PPID: variants seen among roughly 807,000 people sequenced by gnomAD.
The protein encoded by PPID is peptidyl-prolyl cis-trans isomerase D.
Under a neutral mutation model 48.1 loss-of-function variants are expected in PPID, and 47 were observed. The observed-to-expected ratio is 0.98, with a 90% CI of 0.77 to 1.25. The LOEUF (loss-of-function observed/expected upper bound fraction) is 1.25. Ranked by LOEUF, PPID falls within the 50% of genes most tolerant of loss-of-function variation. PPID has a pLI of 0.00. For synonymous variants in PPID, 163 were observed against 148.8 expected, an observed-to-expected ratio of 1.10 and a Z score of -0.69; for missense variants, 429 against 443.5, an observed-to-expected ratio of 0.97 and a Z score of 0.29.
rs535893504 is a variant in PPID, at chr4:158,709,632, G to C, written c.*104C>G. On this transcript the variant is annotated 3_prime_UTR_variant, in exon 10 of 10. Coordinates refer to ENST00000307720, the MANE Select transcript of PPID (RefSeq NM_005038.3). ...AAACTGTAAACAGTAAGGAACTAAG[G>C]TGTCAAAAGAAACACATTAGGGATC... 1.3e-6 allele frequency: 1 copy of C among 775,162 alleles called. No homozygotes were observed. Among genetic ancestry groups the C allele is most frequent in the East Asian group, 2.7e-5 (1 of 37,638 alleles). The allele number at this position is 775,162 out of a possible 1,614,324, so 48.0% of individuals were successfully genotyped here. A position where few individuals can be genotyped will look rare whatever the true frequency, so the allele number is the denominator to read the frequency against.
intron 3 of PPID, 62 bp from the exon 4 acceptor site, chr4:158,717,262 T>C (rs1774888411): frequency 3.5e-6 from 5 of 1,441,938 alleles, no homozygotes; most frequent in Non-Finnish European, 3.8e-6. Flanking sequence ...AATTGTGTGT[T>C]AGTCTGAACT....
At chr4:158,719,491 C>T (rs1296360092) in intron 2 of PPID, among the ~76,000 whole-genome samples, 2 of 152,176 alleles carry the variant, frequency 1.3e-5, no homozygotes, top group Non-Finnish European at 2.9e-5. Context: ...CTGCCTGATC[C>T]CTGCTAACAT....
intron 4 of PPID, among the ~76,000 whole-genome samples, chr4:158,716,465 T>A (rs1177594347): frequency 6.6e-6 from 1 of 151,694 alleles, no homozygotes; most frequent in African/African-American, 2.4e-5. Context: ...ATAGGAAGAC[T>A]TAACGTAAAC....
intron 3 of PPID, among the ~76,000 whole-genome samples, chr4:158,718,288 G>T (rs17843914): frequency 2.0e-5 from 3 of 152,068 alleles, no homozygotes; most frequent in Admixed American, 2.0e-4. Context: ...ACATGTTGCC[G>T]CCTTGCAAGA....
chr4:158,721,404 T>G lies in PPID; in HGVS notation c.165A>C (p.Glu55Asp). The stretch of plus-strand genomic sequence containing the variant: ...TCCCAGTCGTGTGTCCAATGCCTTT[T>G]TCTCCTGTACACAGTGCACGAAAAT... ...AENFRALCTG[E>D]KGIGHTTGKP... Residue 55 changes from glutamate (E) to aspartate (D), a missense_variant, in exon 2 of 10, where the codon GAA (glutamate) becomes GAC (aspartate). Physicochemically the swap from Glu to Asp is conservative, Grantham distance 45. Transcript: ENST00000307720. 1 of 1,614,106 alleles carries G rather than the reference T, an allele frequency of 6.2e-7. No individual in the cohort carries two copies. The highest frequency in any genetic ancestry group is 1.1e-5 in the South Asian group (1 of 91,078).
At chr4:158,714,970 C>T (rs1014288911) in intron 6 of PPID, among the ~76,000 whole-genome samples, 4 of 152,094 alleles carry the variant, frequency 2.6e-5, no homozygotes, top group Admixed American at 2.6e-4. Flanking sequence ...GTCTTTGTTT[C>T]TTAGGAAATA....
chr4:158,723,268 T>C lies in PPID; in HGVS notation c.21A>G (p.Gln7=), dbSNP rs1390705717. 4 of 1,613,966 alleles carry C rather than the reference T, an allele frequency of 2.5e-6. No individual in the cohort carries two copies. Among genetic ancestry groups the C allele is most frequent in the Admixed American group, 3.3e-5 (2 of 60,022 alleles). MSHPSP[Q]AKPSNPSNPR... ...GGTTACTGGGGTTGGAGGGCTTGGC[T>C]TGGGGGGACGGGTGCGACATCTTGA... is the stretch of plus-strand genomic sequence containing the variant. The change falls in exon 1 of 10, where the codon CAA becomes CAG. Residue 7 remains glutamine, a synonymous_variant. Transcript: ENST00000307720.
In PPID at chr4:158,719,199, T is replaced by A; in HGVS notation, c.314A>T (p.Asp105Val). Residue 105 changes from aspartate to valine, a missense_variant, in exon 3 of 10, where the codon GAT (aspartate) becomes GTT (valine). Coordinates refer to ENST00000307720, the MANE Select transcript of PPID (RefSeq NM_005038.3). ...CTTTACCTTGTAATGGAAATTTTCA[T>A]CTTCAAATTTTTCACCATAAATACT... The part of the protein sequence containing the change: ...GESIYGEKFE[D>V]ENFHYKHDRE... 6.3e-7 allele frequency: 1 copy of A among 1,596,730 alleles called. No homozygotes were observed. The highest frequency in any genetic ancestry group is 8.6e-7 in the Non-Finnish European group (1 of 1,165,028).
At chr4:158,717,988 C>T (rs1419868052) in intron 3 of PPID, among the ~76,000 whole-genome samples, 3 of 152,102 alleles carry the variant, frequency 2.0e-5, no homozygotes, top group South Asian at 2.1e-4. Flanking sequence ...TCATGACACC[C>T]CCCACCCCAC....
rs779083576 is a variant in PPID, at chr4:158,717,153, T to C, written c.381A>G (p.Thr127=). The change falls in exon 4 of 10, where the codon ACA becomes ACG. Residue 127 remains threonine, a synonymous_variant. Transcript: ENST00000307720. ...TTGTGATAAAAAACTGAGAACCGTT[T>C]GTGTTGCGGCCTGCATTTGCCATGC... ...LLSMANAGRN[T]NGSQFFITTV... 6 of 1,614,158 alleles carry C rather than the reference T, an allele frequency of 3.7e-6. No individual in the cohort carries two copies. In the Admixed American group the frequency reaches 1.0e-4, roughly 27 times the overall value.
At chr4:158,717,308 A>T (rs1283164519) in intron 3 of PPID, 108 bp from the exon 4 acceptor site, 1 of 901,812 alleles carries the variant, frequency 1.1e-6, no homozygotes, top group Non-Finnish European at 1.5e-6. Flanking sequence ...GGTGCACTAT[A>T]CTACCATTTA....
intron 3 of PPID, among the ~76,000 whole-genome samples, chr4:158,718,109 C>G (rs80346199): frequency 0.048 from 7,339 of 152,280 alleles, 229 homozygotes; most frequent in African/African-American, 0.098. Context: ...TTCTCTATGT[C>G]AATGTGATCA....
chr4:158,715,802 T>C (rs1344817109), intron 4 of PPID, 118 bp from the exon 5 acceptor site: 22 of 1,135,528 alleles, frequency 1.9e-5, no homozygotes, highest in Non-Finnish European at 2.3e-5. Flanking sequence ...AGAAGGCTCA[T>C]TTATGTACTA....
chr4:158,720,983 G>A (rs564398933), intron 2 of PPID, among the ~76,000 whole-genome samples: 2 of 152,272 alleles, frequency 1.3e-5, no homozygotes, highest in African/African-American at 4.8e-5. Context: ...CAAAGTGCTG[G>A]GATTACAGGC....
chr4:158,720,860 G>A (rs921884959), intron 2 of PPID, among the ~76,000 whole-genome samples: 8 of 151,744 alleles, frequency 5.3e-5, no homozygotes, highest in Non-Finnish European at 8.8e-5. Context: ...GACTACAGGC[G>A]CCCACCATCA....
At chr4:158,717,827 C>T (rs1374073534) in intron 3 of PPID, among the ~76,000 whole-genome samples, 1 of 152,222 alleles carries the variant, frequency 6.6e-6, no homozygotes, top group Non-Finnish European at 1.5e-5. Context: ...GAAACTGCTG[C>T]ATACATCTTG....
intron 7 of PPID, among the ~76,000 whole-genome samples, chr4:158,711,926 C>A (rs1774796615): frequency 2.0e-5 from 3 of 152,250 alleles, no homozygotes; most frequent in South Asian, 4.1e-4. Context: ...TTGATTGCAT[C>A]ACTGCACTCC....
At position 158,723,272 on chromosome 4, in the gene PPID, G is replaced by C; in HGVS notation, c.17C>G (p.Pro6Arg). The change falls in exon 1 of 10, where the codon CCC becomes CGC. Residue 6 changes from proline to arginine, a missense_variant. Pro to Arg is a moderately radical substitution (Grantham distance 103). Coordinates refer to ENST00000307720, the MANE Select transcript of PPID (RefSeq NM_005038.3). The stretch of plus-strand genomic sequence containing the variant: ...ACTGGGGTTGGAGGGCTTGGCTTGG[G>C]GGGACGGGTGCGACATCTTGACTTG... MSHPSPQAKPSNPSNP... is the reference protein window; with the variant it reads MSHPSRQAKPSNPSNP... 6.2e-7 allele frequency: 1 copy of C among 1,613,946 alleles called. No homozygotes were observed. Among genetic ancestry groups the C allele is most frequent in the East Asian group, 2.2e-5 (1 of 44,870 alleles).
At position 158,717,133 on chromosome 4, in the gene PPID, A is replaced by AT; in HGVS notation, c.400dup (p.Ile134AsnfsTer21). 1 of 1,614,184 alleles carries AT rather than the reference A, an allele frequency of 6.2e-7. No homozygotes were observed. The highest frequency in any genetic ancestry group is 8.5e-7 in the Non-Finnish European group (1 of 1,180,002). On this transcript the variant is annotated frameshift_variant, in exon 4 of 10. Transcript: ENST00000307720. LOFTEE classifies it high-confidence loss of function. ...CAAATGAGGAGTTGGAACTGTTGTG[A>AT]TAAAAAACTGAGAACCGTTTGTGTT... is the stretch of plus-strand genomic sequence containing the variant.
Sources: gnomAD v4.1 joint callset for allele counts (sites outside exome capture counted in the v4.1 genomes callset) on GRCh38, gnomAD v4.1.1 for gene constraint, MANE v1.5 for transcripts, NCBI Gene and HGNC (gene_info 2026-07-23, HGNC 2026-07-21) for gene names.